WFDC1: variants seen among roughly 807,000 people sequenced by gnomAD.
WFDC1 encodes WAP four-disulfide core domain 1.
WFDC1 carries 39 observed loss-of-function variants against 32.9 expected under a neutral mutation model. The ratio of observed to expected loss-of-function variants is 1.19; its 90% CI spans 0.92 to 1.55. WFDC1 has a LOEUF of 1.55. WFDC1 is among the 40% of genes most tolerant of loss of function. The probability of loss-of-function intolerance (pLI) is 0.00; values close to 1 mark genes in which losing one functional copy is unlikely to be tolerated. For missense variants in WFDC1, 386 were observed against 309.5 expected (o/e 1.25, Z -1.85); for synonymous variants, 184 against 137.4 (o/e 1.34, Z -2.37).
intron 1 of WFDC1, among the ~76,000 whole-genome samples, chr16:84,308,606 C>G (rs1907411530): frequency 6.6e-6 from 1 of 152,244 alleles, no homozygotes. Flanking sequence ...ATCGGTGGCA[C>G]TGTGCTAGAT....
At chr16:84,301,082 C>T (rs1906904705) in intron 1 of WFDC1, among the ~76,000 whole-genome samples, 1 of 152,036 alleles carries the variant, frequency 6.6e-6, no homozygotes, top group Non-Finnish European at 1.5e-5. Flanking sequence ...CTACAAGAGA[C>T]ACATGAGGGA....
intron 1 of WFDC1, among the ~76,000 whole-genome samples, chr16:84,302,363 A>G (rs1906992082): frequency 6.6e-6 from 1 of 152,132 alleles, no homozygotes; most frequent in South Asian, 2.1e-4. Context: ...GGAAAATTGC[A>G]TGTTATATAT....
chr16:84,319,865 C>T (rs76388344), intron 4 of WFDC1, among the ~76,000 whole-genome samples: 3,243 of 152,302 alleles, frequency 0.021, 70 homozygotes, highest in African/African-American at 0.06. Flanking sequence ...CTCTGAGCCT[C>T]AGTTTCCTCA....
chr16:84,300,466 C>G (rs551429541), intron 1 of WFDC1, among the ~76,000 whole-genome samples: 1 of 152,372 alleles, frequency 6.6e-6, no homozygotes, highest in South Asian at 2.1e-4. Flanking sequence ...GGGATCCCCT[C>G]CCAAATGTAC....
intron 1 of WFDC1, among the ~76,000 whole-genome samples, chr16:84,298,684 G>A (rs886616949): frequency 6.6e-6 from 1 of 152,176 alleles, no homozygotes; most frequent in East Asian, 1.9e-4. Context: ...GTCTCTCAAA[G>A]CCTCGTCCCC....
chr16:84,313,831 C>G (rs570433931), intron 2 of WFDC1, among the ~76,000 whole-genome samples: 1 of 152,330 alleles, frequency 6.6e-6, no homozygotes, highest in East Asian at 1.9e-4. Context: ...CACCTGAGGT[C>G]AGGAGTTCAA....
At position 84,318,316 on chromosome 16, in the gene WFDC1, A is replaced by C. The variant is rs781009438; in HGVS notation, c.382A>C (p.Asn128His). ...GCCGAAACCTCGATGGCTTGGTGGCAATGGCTGGCTCCTGGATGGCCCTGA... is the reference window on the plus strand; with the variant it reads ...GCCGAAACCTCGATGGCTTGGTGGCCATGGCTGGCTCCTGGATGGCCCTGA... ...VQPKPRWLGG[N>H]GWLLDGPEEV... Residue 128 changes from asparagine (N) to histidine (H), a missense_variant, in exon 3 of 7, where the codon AAT becomes CAT. Physicochemically the swap from Asn to His is moderately conservative, Grantham distance 68 (BLOSUM62 1). Coordinates refer to ENST00000219454, the MANE Select transcript of WFDC1 (RefSeq NM_021197.4). 1 of 1,614,096 alleles carries C rather than the reference A, an allele frequency of 6.2e-7. No individual in the cohort carries two copies. Among genetic ancestry groups the C allele is most frequent in the Non-Finnish European group, 8.5e-7 (1 of 1,179,982 alleles).
intron 3 of WFDC1, chr16:84,319,071 C>T (rs1007987422): frequency 9.5e-6 from 3 of 314,484 alleles, no homozygotes; most frequent in South Asian, 4.9e-5. Flanking sequence ...TGTATTTGTG[C>T]GTCTGACTTG....
chr16:84,322,418 T>C (rs72802674), intron 4 of WFDC1, among the ~76,000 whole-genome samples: 21,628 of 152,204 alleles, frequency 0.14, 1,935 homozygotes, highest in Non-Finnish European at 0.2. Context: ...AAGAAGCTTT[T>C]TATTTAAGTT....
At chr16:84,319,382 CTG>C (rs1567661916) in intron 3 of WFDC1, 47 bp from the exon 4 acceptor site, 1 of 1,593,178 alleles carries the variant, frequency 6.3e-7, no homozygotes, top group Middle Eastern at 1.7e-4. Flanking sequence ...GCATGTGCAC[CTG>C]TCCTGGGAGT....
chr16:84,324,006 G>C (rs1393644083), intron 4 of WFDC1, among the ~76,000 whole-genome samples: 1 of 152,174 alleles, frequency 6.6e-6, no homozygotes, highest in Non-Finnish European at 1.5e-5. Context: ...TGTAATCCCA[G>C]CTACTCGGGA....
chr16:84,326,921 A>G lies in WFDC1; in HGVS notation c.644A>G (p.Gln215Arg). The G allele has an allele frequency of 6.2e-7, 1 of 1,614,130 alleles. No homozygotes were observed. The highest frequency in any genetic ancestry group is 8.5e-7 in the Non-Finnish European group (1 of 1,180,040). ...AATGTGGCAGAACCTGGAAGGGGAC[A>G]ACAGAAGCACTTTCAGTAAAGCAAC... ...SKNVAEPGRG[Q>R]QKHFQ The change falls in exon 6 of 7, where the codon CAA (glutamine) becomes CGA (arginine). Residue 215 changes from glutamine to arginine, a missense_variant. Coordinates refer to ENST00000219454, the MANE Select transcript of WFDC1 (RefSeq NM_021197.4).
At position 84,305,070 on chromosome 16, in the gene WFDC1, G is replaced by C. The variant is rs149361102; in HGVS notation, c.145-7891G>C. Among the ~76,000 whole-genome samples, 11 of 152,188 alleles carry C rather than the reference G, an allele frequency of 7.2e-5. No homozygotes were observed. The East Asian group carries it at 7.7e-4, about 11-fold the overall frequency. ...GCTTGCTCTTGGGCAAATGCTTTTA[G>C]TTTTTTTGTGCCTCAGTTTCCTCAT... is the stretch of plus-strand genomic sequence containing the variant. On this transcript the variant is annotated intron_variant, in intron 1 of 6. Coordinates refer to ENST00000219454, the MANE Select transcript of WFDC1 (RefSeq NM_021197.4).
rs77988986 is a variant in WFDC1 at position 84,319,296 on chromosome 16, G to A, written c.422-135G>A. On this transcript the variant is annotated intron_variant, in intron 3 of 6. Transcript: ENST00000219454. ...CCCAGGGCCTAGCCTGGAACCTGGG[G>A]TACAGAGGCGAGGCCGCCTCTCTGG... The A allele has an allele frequency of 4.3e-3, 5,321 of 1,247,896 alleles. 154 individuals are homozygous for A. In the African/African-American group the frequency reaches 0.069, roughly 16 times the overall value. The allele number at this position is 1,247,896 out of a possible 1,614,324, so 77.3% of individuals were successfully genotyped here.
At chr16:84,298,331 G>A (rs576996289) in intron 1 of WFDC1, among the ~76,000 whole-genome samples, 20 of 152,190 alleles carry the variant, frequency 1.3e-4, no homozygotes, top group Non-Finnish European at 2.4e-4. Context: ...CTGAGCTCAG[G>A]TGATCCGCCC....
chr16:84,308,314 C>T (rs1333108939), intron 1 of WFDC1, among the ~76,000 whole-genome samples: 3 of 152,130 alleles, frequency 2.0e-5, no homozygotes, highest in African/African-American at 7.2e-5. Context: ...GACCTGGTGC[C>T]CCCTGCAGGG....
chr16:84,317,387 A>G (rs1908024994), intron 2 of WFDC1: 1 of 152,168 alleles, frequency 6.6e-6, no homozygotes, highest in Non-Finnish European at 1.5e-5. Context: ...GAAAAAAAAT[A>G]AAACAGTCTG....
At chr16:84,317,264 G>C (rs1908008053) in intron 2 of WFDC1, 1 of 151,392 alleles carries the variant, frequency 6.6e-6, no homozygotes, top group Admixed American at 6.6e-5. Context: ...CTACCCTTCA[G>C]CCTGGGTGAC....
intron 1 of WFDC1, among the ~76,000 whole-genome samples, chr16:84,301,310 G>T (rs1411303513): frequency 6.6e-6 from 1 of 152,182 alleles, no homozygotes; most frequent in East Asian, 1.9e-4. Context: ...AGTCTGCTCT[G>T]GGCATCAAGG....
Sources: allele counts gnomAD v4.1 joint callset (sites outside exome capture counted in the v4.1 genomes callset), GRCh38; gene constraint gnomAD v4.1.1; transcripts MANE v1.5; gene names NCBI Gene and HGNC (gene_info 2026-07-23, HGNC 2026-07-21).